CEP104: variants seen among roughly 807,000 people sequenced by gnomAD.
The protein encoded by CEP104 is centrosomal protein 104.
In CEP104, 84 loss-of-function variants were observed where a neutral mutation model predicts 113.3. The observed-to-expected ratio is 0.74, with a 90% confidence interval of 0.62 to 0.89. The LOEUF is 0.89. Among genes scored for constraint, CEP104 ranks in the 40% least tolerant of loss-of-function variants. The pLI is 0.00. For synonymous variants in CEP104, 378 were observed against 421.7 expected (o/e 0.90, Z 1.27); for missense variants, 1,053 against 1,156.6 (o/e 0.91, Z 1.30).
chr1:3,831,229 A>G lies in CEP104; in HGVS notation c.1660-7T>C, dbSNP rs1385677042. 2 of 1,605,716 alleles carry G rather than the reference A, an allele frequency of 1.2e-6. No homozygotes were observed. Among genetic ancestry groups the G allele is most frequent in the Non-Finnish European group, 1.7e-6 (2 of 1,173,552 alleles). On this transcript the variant is annotated splice_region_variant and splice_polypyrimidine_tract_variant and intron_variant, in intron 12 of 21. Coordinates refer to ENST00000378230, the MANE Select transcript of CEP104 (RefSeq NM_014704.4). ...CTTTAAACAAGGCCATTTCCTATGA[A>G]AGCCAAGGTAATTTGTTAATTTTTA...
rs199565833 is a variant in CEP104 at position 3,826,773 on chromosome 1, G to A, written c.2152-29C>T. The stretch of plus-strand genomic sequence containing the variant: ...AGACACAGAAACAGTGAGGTCAGGG[G>A]CAAAGGGCTGCAGTGTGAGTGAGTG... On this transcript the variant is annotated intron_variant, in intron 15 of 21. Transcript: ENST00000378230. 59 of 1,606,424 alleles carry A rather than the reference G, an allele frequency of 3.7e-5. No individual in the cohort carries two copies. The African/African-American group carries it at 3.7e-4, about 10-fold the overall frequency.
chr1:3,823,638 G>A lies in CEP104; in HGVS notation c.2365-76C>T, dbSNP rs567351921. On this transcript the variant is annotated intron_variant, in intron 18 of 21. Coordinates refer to ENST00000378230, the MANE Select transcript of CEP104 (RefSeq NM_014704.4). The surrounding 1 kb of genome is among the most constrained non-coding windows in gnomAD (Gnocchi z 4.1). ...CCTCCAGCCAGCCTGCAGAGCCTGT[G>A]AGCGCCTCCCCTGCCCAGGGAGGTC... 390 of 1,587,968 alleles carry A rather than the reference G, an allele frequency of 2.5e-4. 5 individuals carry two copies. In the South Asian group the frequency reaches 4.2e-3, roughly 17 times the overall value.
chr1:3,828,581 C>T (rs1211078761), intron 15 of CEP104, among the ~76,000 whole-genome samples: 2 of 152,194 alleles, frequency 1.3e-5, no homozygotes, highest in Admixed American at 1.3e-4. Context: ...TGTGCAGCCA[C>T]GTGGGCTGCA....
chr1:3,848,144 C>T (rs2124692212), intron 3 of CEP104, among the ~76,000 whole-genome samples: 1 of 152,180 alleles, frequency 6.6e-6, no homozygotes, highest in East Asian at 1.9e-4. Flanking sequence ...TTTTTAAGCA[C>T]ATTCAATAAG....
chr1:3,836,828 T>C lies in CEP104; in HGVS notation c.1120-136A>G. On this transcript the variant is annotated intron_variant, in intron 9 of 21. Coordinates refer to ENST00000378230, the MANE Select transcript of CEP104 (RefSeq NM_014704.4). ...GTTATTTTGCTAAATATCAGTATCA[T>C]CAGATTAGAATAATTTATACAACAA... The C allele has an allele frequency of 4.5e-6, 3 of 670,818 alleles. No homozygotes were observed. In the South Asian group the frequency reaches 5.7e-5, roughly 13 times the overall value. The allele number at this position is 670,818 out of a possible 1,614,324, so 41.6% of individuals were successfully genotyped here. A position where few individuals can be genotyped will look rare whatever the true frequency, so the allele number is the denominator to read the frequency against.
chr1:3,834,834 T>C (rs1020320518), intron 11 of CEP104, 91 bp downstream of exon 11: 2 of 1,206,408 alleles, frequency 1.7e-6, no homozygotes, highest in Admixed American at 2.6e-5. Context: ...AATGACCAAC[T>C]GGTCCTCTCT....
chr1:3,819,309 G>A lies in CEP104; in HGVS notation c.2572-2939C>T, dbSNP rs1643927214. On this transcript the variant is annotated intron_variant, in intron 20 of 21. Coordinates refer to ENST00000378230, the MANE Select transcript of CEP104 (RefSeq NM_014704.4). The surrounding 1 kb of genome is among the most constrained non-coding windows in gnomAD (Gnocchi z 4.6). The stretch of plus-strand genomic sequence containing the variant: ...ACTAGACATATGGTCGCCAGGGGCT[G>A]GAGAGGGGGCTGGGGAGAAAAGGGG... Among the ~76,000 whole-genome samples the A allele has an allele frequency of 6.6e-6, 1 of 152,190 alleles. No individual in the cohort carries two copies. The highest frequency in any genetic ancestry group is 1.9e-4 in the East Asian group (1 of 5,198).
rs976141586 is a variant in CEP104, at chr1:3,856,100, T to C, written c.-15+789A>G. 1.7e-4 allele frequency: 53 copies of C among 305,432 alleles called. No individual in the cohort carries two copies. The Admixed American group carries it at 3.4e-3, about 19-fold the overall frequency. 18.9% of individuals were successfully genotyped at this position (305,432 alleles called of 1,614,324 possible). A position where few individuals can be genotyped will look rare whatever the true frequency, so the allele number is the denominator to read the frequency against. ...CTAGGAAACAAAACTTGTCTCTGAT[T>C]TTCTTTTTAAGAAGACTTTTAAGTG... On this transcript the variant is annotated intron_variant, in intron 1 of 21. Transcript: ENST00000378230.
intron 13 of CEP104, among the ~76,000 whole-genome samples, chr1:3,830,590 A>G (rs916170154): frequency 1.3e-4 from 19 of 151,800 alleles, no homozygotes; most frequent in African/African-American, 4.6e-4. Flanking sequence ...TGGCTAACAC[A>G]GTGAAACCCC....
chr1:3,826,404 C>T lies in CEP104; in HGVS notation c.2221G>A (p.Ala741Thr), dbSNP rs1644092363. ...TAGTGCTCATCCGGGATTCCCAGAG[C>T]TTCAGCAGGGGCTGCTTTCCCTCCT... is the stretch of plus-strand genomic sequence containing the variant. ...IQGGKAAPAEALGIPDEHYLD... is the reference protein window; with the variant it reads ...IQGGKAAPAETLGIPDEHYLD... Residue 741 changes from alanine (A) to threonine (T), a missense_variant, in exon 17 of 22, where the codon GCT becomes ACT. Transcript: ENST00000378230. 1 of 1,613,964 alleles carries T rather than the reference C, an allele frequency of 6.2e-7. No individual in the cohort carries two copies. The highest frequency in any genetic ancestry group is 1.3e-5 in the African/African-American group (1 of 74,936).
Position 3,834,978 on chromosome 1 carries a change from G to T in CEP104, c.1432C>A (p.Leu478Met). The part of the protein sequence containing the change: ...GTPKEDLKNT[L>M]RASVFLVRRA... ...CTAACGAGAAAGACGGATGCTCTCA[G>T]TGTGTTCTTTAAATCTTCTTTTGGG... Residue 478 changes from leucine to methionine, a missense_variant, in exon 11 of 22, where the codon CTG (leucine) becomes ATG (methionine). Transcript: ENST00000378230. 1 of 1,612,174 alleles carries T rather than the reference G, an allele frequency of 6.2e-7. No homozygotes were observed. Among genetic ancestry groups the T allele is most frequent in the Non-Finnish European group, 8.5e-7 (1 of 1,179,024 alleles).
chr1:3,825,526 C>G (rs1644072679), intron 18 of CEP104, among the ~76,000 whole-genome samples: 1 of 152,214 alleles, frequency 6.6e-6, no homozygotes, highest in Non-Finnish European at 1.5e-5. Context: ...CCTGCTGACT[C>G]TGGAAGGAGC....
intron 15 of CEP104, among the ~76,000 whole-genome samples, chr1:3,828,575 C>T (rs541998977): frequency 2.6e-5 from 4 of 152,210 alleles, no homozygotes; most frequent in Non-Finnish European, 5.9e-5. Context: ...GTGCACTGTG[C>T]AGCCACGTGG....
chr1:3,836,124 ACT>A, intron 10 of CEP104, among the ~76,000 whole-genome samples: 1 of 151,796 alleles, frequency 6.6e-6, no homozygotes, highest in South Asian at 2.1e-4. Context: ...ACGTGGTGAA[ACT>A]CTATCTCTAC....
chr1:3,817,157 C>T (rs1036292481), intron 20 of CEP104, among the ~76,000 whole-genome samples: 1 of 152,150 alleles, frequency 6.6e-6, no homozygotes, highest in Non-Finnish European at 1.5e-5. Flanking sequence ...TTGGTGAAAC[C>T]CCGTCTCTAC....
rs1219339876 is a variant in CEP104 at position 3,814,178 on chromosome 1, G to A, written c.*1224C>T. The A allele has an allele frequency of 6.6e-6, 1 of 152,206 alleles. No homozygotes were observed. Among genetic ancestry groups the A allele is most frequent in the East Asian group, 1.9e-4 (1 of 5,174 alleles). The allele number at this position is 152,206 out of a possible 1,614,324, so 9.4% of individuals were successfully genotyped here. ...TGCAACATCAGCGAGGCAAGCAGAA[G>A]CCCTGGGCACCAGGTGGGAGGGGAC... On this transcript the variant is annotated 3_prime_UTR_variant, in exon 22 of 22. Transcript: ENST00000378230.
At chr1:3,833,481 T>C (rs1326564518) in intron 12 of CEP104, among the ~76,000 whole-genome samples, 1 of 152,220 alleles carries the variant, frequency 6.6e-6, no homozygotes, top group Non-Finnish European at 1.5e-5. Flanking sequence ...TATCTCAATA[T>C]TTCCCATAAT....
intron 11 of CEP104, 127 bp downstream of exon 11, chr1:3,834,798 A>G (rs1023244007): frequency 2.2e-5 from 17 of 766,554 alleles, no homozygotes; most frequent in South Asian, 6.0e-5. Context: ...TAGTGATTCT[A>G]TTGAGTTACA....
chr1:3,829,652 T>G (rs1385122047), intron 14 of CEP104, 139 bp downstream of exon 14: 13 of 906,094 alleles, frequency 1.4e-5, no homozygotes, highest in Admixed American at 6.2e-5. Flanking sequence ...CGGGAACCTG[T>G]GTTCTTTCTT....
Sources: allele counts gnomAD v4.1 joint callset (sites outside exome capture counted in the v4.1 genomes callset), GRCh38; gene constraint gnomAD v4.1.1; non-coding constraint Gnocchi (gnomAD v3.1); transcripts MANE v1.5; gene names NCBI Gene and HGNC (gene_info 2026-07-23, HGNC 2026-07-21).